The following DKK2 variants were observed in gnomAD, a reference collection of about 807,000 sequenced individuals.
DKK2 encodes the protein dickkopf-related protein 2.
In DKK2, 11 loss-of-function variants were observed where a neutral mutation model predicts 28.1. The ratio of observed to expected loss-of-function variants is 0.39; its 90% confidence interval spans 0.25 to 0.65. DKK2 has a LOEUF of 0.65. Ranked by LOEUF, DKK2 falls within the 30% of genes least tolerant of loss-of-function variation. DKK2 has a pLI of 0.47. For missense variants in DKK2, 326 were observed against 335.5 expected, an observed-to-expected ratio of 0.97 and a Z score of 0.22; for synonymous variants, 135 against 126.5, an observed-to-expected ratio of 1.07 and a Z score of -0.45.
At chr4:106,992,699 C>A (rs1360929362) in intron 1 of DKK2, among the ~76,000 whole-genome samples, 1 of 152,180 alleles carries the variant, frequency 6.6e-6, no homozygotes, top group Non-Finnish European at 1.5e-5. Flanking sequence ...AGAGAAATCT[C>A]ATTCAGTCTT....
intron 1 of DKK2, among the ~76,000 whole-genome samples, chr4:107,022,571 C>T (rs1266970529): frequency 1.3e-5 from 2 of 152,030 alleles, no homozygotes; most frequent in Non-Finnish European, 2.9e-5. Context: ...TAATTGATGA[C>T]ATTGTGTGCC....
In DKK2 at chr4:106,974,737, T is replaced by C. The variant is rs556058347; in HGVS notation, c.223-48788A>G. 2.6e-5 allele frequency among the ~76,000 whole-genome samples: 4 copies of C among 152,326 alleles called. No individual in the cohort carries two copies. The East Asian group carries it at 7.7e-4, about 29-fold the overall frequency. The stretch of plus-strand genomic sequence containing the variant: ...TCCTATTTGAATACGTTTTATTTCT[T>C]TCTCTTGCCTGATTGCCCTGGCCTG... On this transcript the variant is annotated intron_variant, in intron 1 of 3. Transcript: ENST00000285311.
Position 107,035,902 on chromosome 4 carries a change from C to T in DKK2, c.-311G>A, listed in dbSNP as rs545573704. The T allele has an allele frequency of 3.6e-5, 15 of 414,076 alleles. No homozygotes were observed. The Admixed American group carries it at 4.3e-4, about 12-fold the overall frequency. 25.7% of individuals were successfully genotyped at this position (414,076 alleles called of 1,614,324 possible). ...ACCCAAGGTGCAAGAAAACCCAGCC[C>T]TGTGGATCGCACCGCTTCCGTTCCT... On this transcript the variant is annotated 5_prime_UTR_variant, in exon 1 of 4. Transcript: ENST00000285311.
intron 1 of DKK2, among the ~76,000 whole-genome samples, chr4:106,999,242 T>C (rs568711104): frequency 2.6e-5 from 4 of 152,206 alleles, no homozygotes; most frequent in Non-Finnish European, 5.9e-5. Context: ...TAATAGTAGG[T>C]TGCAGAGTTT....
intron 1 of DKK2, among the ~76,000 whole-genome samples, chr4:107,020,477 C>T (rs1723674272): frequency 6.6e-6 from 1 of 152,018 alleles, no homozygotes. Flanking sequence ...ATTTGAACAA[C>T]TGCAAGAACA....
At chr4:107,019,126 A>G (rs1357867318) in intron 1 of DKK2, among the ~76,000 whole-genome samples, 2 of 151,980 alleles carry the variant, frequency 1.3e-5, no homozygotes, top group Non-Finnish European at 2.9e-5. Context: ...TCCAGAGTTT[A>G]CGGGCACGGC....
chr4:106,990,148 ATTT>A (rs1262822815), intron 1 of DKK2, among the ~76,000 whole-genome samples: 2 of 152,300 alleles, frequency 1.3e-5, no homozygotes, highest in African/African-American at 4.8e-5. Context: ...TGCACTATAT[ATTT>A]TGTTTTTAAA....
At chr4:106,982,421 C>T (rs1297328545) in intron 1 of DKK2, among the ~76,000 whole-genome samples, 1 of 152,140 alleles carries the variant, frequency 6.6e-6, no homozygotes, top group Non-Finnish European at 1.5e-5. Context: ...TCCTAACACA[C>T]CCAAACAGAA....
intron 1 of DKK2, among the ~76,000 whole-genome samples, chr4:106,939,248 A>G (rs1724651429): frequency 6.6e-6 from 1 of 152,234 alleles, no homozygotes; most frequent in African/African-American, 2.4e-5. Flanking sequence ...TAAGCTGATA[A>G]GCAACTTCAG....
rs1166423456 is a variant in DKK2, at chr4:106,921,951, G to A, written c.*2003C>T. On this transcript the variant is annotated 3_prime_UTR_variant, in exon 4 of 4. Coordinates refer to ENST00000285311, the MANE Select transcript of DKK2 (RefSeq NM_014421.3). ...AAAATACATCTCATTAACATTTCCT[G>A]TAAATAAATTACTTCAAATAATAAT... is the stretch of plus-strand genomic sequence containing the variant. 1 of 152,426 alleles carries A rather than the reference G, an allele frequency of 6.6e-6. No individual in the cohort carries two copies. The highest frequency in any genetic ancestry group is 1.5e-5 in the Non-Finnish European group (1 of 68,002). 9.4% of individuals were successfully genotyped at this position (152,426 alleles called of 1,614,324 possible). A position where few individuals can be genotyped will look rare whatever the true frequency, so the allele number is the denominator to read the frequency against.
intron 1 of DKK2, among the ~76,000 whole-genome samples, chr4:106,971,635 T>G (rs1722869600): frequency 6.6e-6 from 1 of 152,130 alleles, no homozygotes; most frequent in Admixed American, 6.6e-5. Context: ...TTATTTCTAC[T>G]GTCTTCCATC....
In DKK2 at chr4:106,925,868, C is replaced by G; in HGVS notation, c.304G>C (p.Val102Leu). The change falls in exon 2 of 4, where the codon GTG becomes CTG. Residue 102 changes from valine (V) to leucine (L), a missense_variant. By Grantham distance (32) the Val-to-Leu change is conservative. Coordinates refer to ENST00000285311, the MANE Select transcript of DKK2 (RefSeq NM_014421.3). ...CAGCGCTTCTTTTTTCTCCGACACA[C>G]CATGCAGGCCGATGATCCTTGGTGG... Reference protein sequence around the residue: ...SPHQGSSACMVCRRKKKRCHR... With the variant: ...SPHQGSSACMLCRRKKKRCHR... 2 of 1,613,818 alleles carry G rather than the reference C, an allele frequency of 1.2e-6. No individual in the cohort carries two copies. Among genetic ancestry groups the G allele is most frequent in the South Asian group, 1.1e-5 (1 of 91,062 alleles).
In DKK2 at chr4:106,999,392, G is replaced by C. The variant is rs190607517; in HGVS notation, c.222+35978C>G. ...GAGACGGAGTCTCTCTCTGTCCCAG[G>C]CTGGAGTGCAGTGGCACAATCTTGG... On this transcript the variant is annotated intron_variant, in intron 1 of 3. Transcript: ENST00000285311. Among the ~76,000 whole-genome samples the C allele has an allele frequency of 2.0e-4, 30 of 152,158 alleles. No individual in the cohort carries two copies. The East Asian group carries it at 4.8e-3, about 25-fold the overall frequency.
chr4:107,035,581 A>G lies in DKK2; in HGVS notation c.11T>C (p.Leu4Ser), dbSNP rs771483509. 18 of 1,614,028 alleles carry G rather than the reference A, an allele frequency of 1.1e-5. No individual in the cohort carries two copies. Among genetic ancestry groups the G allele is most frequent in the Non-Finnish European group, 1.5e-5 (18 of 1,179,982 alleles). MAA[L>S]MRSKDSSCCL... ...GCAGGACGAATCCTTGCTCCGCATC[A>G]ACGCGGCCATCTCCCGGCGAGGGGG... Residue 4 changes from leucine (L) to serine (S), a missense_variant, in exon 1 of 4, where the codon TTG (leucine) becomes TCG (serine). By Grantham distance (145) the Leu-to-Ser change is moderately radical. Coordinates refer to ENST00000285311, the MANE Select transcript of DKK2 (RefSeq NM_014421.3).
chr4:106,990,423 C>A (rs941915191), intron 1 of DKK2, among the ~76,000 whole-genome samples: 19 of 152,134 alleles, frequency 1.2e-4, no homozygotes, highest in African/African-American at 4.3e-4. Flanking sequence ...ATGGAGAGAG[C>A]CCCCTTTGAA....
chr4:106,975,305 T>C (rs749381479), intron 1 of DKK2, among the ~76,000 whole-genome samples: 28 of 152,182 alleles, frequency 1.8e-4, no homozygotes, highest in Non-Finnish European at 5.9e-5. Context: ...TGGAGTAGTT[T>C]CAGAAGGAAT....
intron 1 of DKK2, among the ~76,000 whole-genome samples, chr4:106,931,744 TA>T (rs1046628404): frequency 6.6e-5 from 10 of 152,166 alleles, no homozygotes; most frequent in African/African-American, 2.4e-4. Context: ...AGTTAGATTA[TA>T]AAATATACAA....
At chr4:106,959,521 G>T (rs1211420632) in intron 1 of DKK2, among the ~76,000 whole-genome samples, 2 of 151,968 alleles carry the variant, frequency 1.3e-5, no homozygotes, top group African/African-American at 4.8e-5. Flanking sequence ...TTGCCTAAGA[G>T]GATATACAGA....
chr4:106,975,095 C>G (rs1418480204), intron 1 of DKK2, among the ~76,000 whole-genome samples: 1 of 152,144 alleles, frequency 6.6e-6, no homozygotes, highest in Non-Finnish European at 1.5e-5. Context: ...ATGAAGCCAC[C>G]TTGATTGTGG....
Sources: gnomAD v4.1 joint callset for allele counts (sites outside exome capture counted in the v4.1 genomes callset) on GRCh38, gnomAD v4.1.1 for gene constraint, MANE v1.5 for transcripts, NCBI Gene and HGNC (gene_info 2026-07-23, HGNC 2026-07-21) for gene names.